BSN: variants seen among roughly 807,000 people sequenced by gnomAD.
BSN encodes the protein bassoon presynaptic cytomatrix protein, also known as protein bassoon.
BSN carries 57 observed loss-of-function variants against 264.8 expected under a neutral mutation model. The ratio of observed to expected loss-of-function variants is 0.22; its 90% CI spans 0.17 to 0.27. The LOEUF (loss-of-function observed/expected upper bound fraction) is 0.27. Ranked by LOEUF, BSN falls within the 10% of genes least tolerant of loss-of-function variation. The pLI is 1.00. For missense variants in BSN, 4,615 were observed against 5,232.5 expected (o/e 0.88, Z 3.64); for synonymous variants, 2,059 against 2,137.3 (o/e 0.96, Z 1.01).
intron 1 of BSN, among the ~76,000 whole-genome samples, chr3:49,589,207 C>T (rs1228052407): frequency 6.6e-6 from 1 of 150,678 alleles, no homozygotes; most frequent in African/African-American, 2.4e-5. Flanking sequence ...CCACCGCGCC[C>T]GGCCGGGTGG....
chr3:49,571,763 G>A (rs1559594557), intron 1 of BSN, among the ~76,000 whole-genome samples: 1 of 152,184 alleles, frequency 6.6e-6, no homozygotes, highest in African/African-American at 2.4e-5. Flanking sequence ...ACAGCCATCA[G>A]GAGTAAGACC....
chr3:49,673,064 C>T (rs1249206602), downstream of BSN, among the ~76,000 whole-genome samples: 1 of 134,098 alleles, frequency 7.5e-6, no homozygotes, highest in African/African-American at 2.7e-5. Context: ...CAGGCGTGAG[C>T]CACCGCGCCC....
At chr3:49,559,274 A>G (rs966141719) in intron 1 of BSN, among the ~76,000 whole-genome samples, 1 of 152,168 alleles carries the variant, frequency 6.6e-6, no homozygotes, top group Non-Finnish European at 1.5e-5. Context: ...AAAATTTCAA[A>G]CATACATGAA....
intron 1 of BSN, among the ~76,000 whole-genome samples, chr3:49,578,369 A>G (rs559737215): frequency 1.7e-4 from 25 of 151,166 alleles, no homozygotes; most frequent in Admixed American, 1.1e-3. Context: ...GTGCCATCCA[A>G]TGGTTTTTAG....
intron 1 of BSN, among the ~76,000 whole-genome samples, chr3:49,606,022 A>G (rs1239886158): frequency 1.1e-5 from 1 of 91,892 alleles, no homozygotes; most frequent in Non-Finnish European, 1.8e-5. Context: ...AGAAATATAT[A>G]TTTATATACA....
intron 2 of BSN, among the ~76,000 whole-genome samples, chr3:49,640,128 A>G (rs2052451853): frequency 6.6e-6 from 1 of 152,254 alleles, no homozygotes; most frequent in Non-Finnish European, 1.5e-5. Context: ...AATAGGGTGC[A>G]TTTAGAACCT....
At chr3:49,603,181 C>T (rs910932901) in intron 1 of BSN, among the ~76,000 whole-genome samples, 5 of 152,060 alleles carry the variant, frequency 3.3e-5, no homozygotes, top group Admixed American at 2.6e-4. Flanking sequence ...ACTTGAGGGC[C>T]GCAGGTCCCA....
intron 2 of BSN, chr3:49,641,798 T>G (rs1409519012): frequency 1.3e-5 from 2 of 154,910 alleles, no homozygotes; most frequent in African/African-American, 4.8e-5. Context: ...GAGTTTTTAC[T>G]GAATACCCAT....
intron 2 of BSN, among the ~76,000 whole-genome samples, chr3:49,633,580 TAC>T (rs2052397887): frequency 6.6e-6 from 1 of 152,190 alleles, no homozygotes; most frequent in East Asian, 1.9e-4. Context: ...CTTCTGGGTA[TAC>T]ACTCAAATGA....
At chr3:49,619,393 A>G (rs2052285721) in intron 1 of BSN, among the ~76,000 whole-genome samples, 1 of 152,192 alleles carries the variant, frequency 6.6e-6, no homozygotes, top group Non-Finnish European at 1.5e-5. Flanking sequence ...CAAAGAACCC[A>G]AACTGCAATG....
At position 49,661,860 on chromosome 3, in the gene BSN, A is replaced by C. The variant is rs773857495; in HGVS notation, c.10015A>C (p.Met3339Leu). Reference sequence around the variant, plus strand: ...AGTAGAGAAGTATGGTCCAGGGCCCATGGGGCCCAAGCATCCCTCCAAGAG... The same window carrying C: ...AGTAGAGAAGTATGGTCCAGGGCCCCTGGGGCCCAAGCATCCCTCCAAGAG... Reference protein sequence around the residue: ...ARVEKYGPGPMGPKHPSKSLA... With the variant: ...ARVEKYGPGPLGPKHPSKSLA... Residue 3339 changes from methionine to leucine, a missense_variant, in exon 6 of 12, where the codon ATG becomes CTG. Around this residue, in one of 3 missense-constraint regions of BSN, gnomAD observed 3,415 missense variants for 3,866.4 expected, o/e 0.88. Coordinates refer to ENST00000296452, the MANE Select transcript of BSN (RefSeq NM_003458.4). 3 of 1,613,442 alleles carry C rather than the reference A, an allele frequency of 1.9e-6. No individual in the cohort carries two copies.
At position 49,662,039 on chromosome 3, in the gene BSN, C is replaced by T. The variant is rs149293113; in HGVS notation, c.10194C>T (p.Val3398=). The T allele has an allele frequency of 1.1e-4, 183 of 1,613,744 alleles. No homozygotes were observed. The Middle Eastern group carries it at 3.1e-3, about 28-fold the overall frequency. The part of the protein sequence containing the change: ...YPPPAVSSSL[V]SRGRKFQDEI... Reference sequence around the variant, plus strand: ...CACCTGCAGTCAGCAGCAGCCTGGTCTCTCGGGGCAGGAAGTTCCAGGATG... The same window carrying T: ...CACCTGCAGTCAGCAGCAGCCTGGTTTCTCGGGGCAGGAAGTTCCAGGATG... The change falls in exon 6 of 12, where the codon GTC becomes GTT. Residue 3398 remains valine (V), a synonymous_variant. Transcript: ENST00000296452.
chr3:49,626,471 C>T (rs1163546226), intron 2 of BSN, among the ~76,000 whole-genome samples: 1 of 152,020 alleles, frequency 6.6e-6, no homozygotes, highest in Non-Finnish European at 1.5e-5. Flanking sequence ...AAGGAGCTGT[C>T]GGTGTGGGGA....
Position 49,657,534 on chromosome 3 carries a change from G to C in BSN, c.7978G>C (p.Ala2660Pro). ...SSSSAAATVR[A>P]MSSVGIQTIS... ...ATCCAGTGCTGCTGCCACTGTGAGG[G>C]CCATGAGCAGCGTGGGCATCCAGAC... The change falls in exon 5 of 12, where the codon GCC becomes CCC. Residue 2660 changes from alanine (A) to proline (P), a missense_variant. By Grantham distance (27) the Ala-to-Pro change is conservative (BLOSUM62 -1). Transcript: ENST00000296452. 1 of 1,613,240 alleles carries C rather than the reference G, an allele frequency of 6.2e-7. No homozygotes were observed. The highest frequency in any genetic ancestry group is 8.5e-7 in the Non-Finnish European group (1 of 1,180,018).
In BSN at chr3:49,652,785, G is replaced by A; in HGVS notation, c.3229G>A (p.Asp1077Asn). Reference sequence around the variant, plus strand: ...CAGCACGGCCCGCAAGACCCGGCGGGACAAGGAAGAACTGCGGGCCCAGCG... The same window carrying A: ...CAGCACGGCCCGCAAGACCCGGCGGAACAAGGAAGAACTGCGGGCCCAGCG... ...IRSTARKTRRDKEELRAQRRR... is the reference protein window; with the variant it reads ...IRSTARKTRRNKEELRAQRRR... Residue 1077 changes from aspartate (D) to asparagine (N), a missense_variant, in exon 5 of 12, where the codon GAC becomes AAC. Around this residue, in one of 3 missense-constraint regions of BSN, gnomAD observed 3,415 missense variants for 3,866.4 expected, o/e 0.88. Coordinates refer to ENST00000296452, the MANE Select transcript of BSN (RefSeq NM_003458.4). The A allele has an allele frequency of 1.3e-6, 2 of 1,551,408 alleles. No individual in the cohort carries two copies. Among genetic ancestry groups the A allele is most frequent in the Non-Finnish European group, 8.7e-7 (1 of 1,147,952 alleles).
At chr3:49,605,912 A>T (rs1396988187) in intron 1 of BSN, among the ~76,000 whole-genome samples, 3 of 856 alleles carry the variant, frequency 3.5e-3, no homozygotes, top group African/African-American at 4.1e-3. Context: ...ATATAAATAG[A>T]TATAAATAGA....
chr3:49,589,933 G>T (rs2051965390), intron 1 of BSN, among the ~76,000 whole-genome samples: 1 of 151,466 alleles, frequency 6.6e-6, no homozygotes, highest in Non-Finnish European at 1.5e-5. Context: ...CGCCTCCCAG[G>T]TTCAAGTGAT....
chr3:49,560,839 A>G (rs2051706251), intron 1 of BSN, among the ~76,000 whole-genome samples: 1 of 152,118 alleles, frequency 6.6e-6, no homozygotes, highest in African/African-American at 2.4e-5. Flanking sequence ...TTCCTTCTGT[A>G]CAGATCGGGC....
At position 49,592,612 on chromosome 3, in the gene BSN, G is replaced by A. The variant is rs201496690; in HGVS notation, c.225-32363G>A. On this transcript the variant is annotated intron_variant, in intron 1 of 11. Coordinates refer to ENST00000296452, the MANE Select transcript of BSN (RefSeq NM_003458.4). Reference sequence around the variant, plus strand: ...ACTAAAAACAAAAAATTAGCCGGGCGTGGTGGCGGGCGCCTGTAGTCCCAG... The same window carrying A: ...ACTAAAAACAAAAAATTAGCCGGGCATGGTGGCGGGCGCCTGTAGTCCCAG... Among the ~76,000 whole-genome samples the A allele has an allele frequency of 3.3e-5, 5 of 151,300 alleles. No individual in the cohort carries two copies. The South Asian group carries it at 8.3e-4, about 25-fold the overall frequency.
Sources: allele counts gnomAD v4.1 joint callset (sites outside exome capture counted in the v4.1 genomes callset), GRCh38; gene constraint gnomAD v4.1.1; regional missense constraint gnomAD v4.1.1; transcripts MANE v1.5; gene names NCBI Gene and HGNC (gene_info 2026-07-23, HGNC 2026-07-21).